ARHGAP28: variants seen among roughly 807,000 people sequenced by gnomAD.
ARHGAP28 encodes the protein Rho GTPase activating protein 28.
ARHGAP28 carries 56 observed loss-of-function variants against 90.7 expected under a neutral mutation model. That is an observed-to-expected ratio of 0.62 (90% CI 0.50 to 0.77). The LOEUF is 0.77. Among genes scored for constraint, ARHGAP28 ranks in the 30% least tolerant of loss-of-function variants. The pLI, the probability that ARHGAP28 is intolerant of heterozygous loss-of-function variation, is 0.00. For missense variants in ARHGAP28, 869 were observed against 900.9 expected, an observed-to-expected ratio of 0.96 and a Z score of 0.45; for synonymous variants, 308 against 323.3, an observed-to-expected ratio of 0.95 and a Z score of 0.51.
Position 6,781,342 on chromosome 18 carries a change from G to T in ARHGAP28, c.123-43420G>T, listed in dbSNP as rs867086615. On this transcript the variant is annotated intron_variant, in intron 1 of 17. Transcript: ENST00000383472. ...CTGATATGAGTTGAGCCTTCGTCCTGTTCCAGTTTCTGGAAGGAACTGTTC... is the reference window on the plus strand; with the variant it reads ...CTGATATGAGTTGAGCCTTCGTCCTTTTCCAGTTTCTGGAAGGAACTGTTC... Among the ~76,000 whole-genome samples, 6 of 152,282 alleles carry T rather than the reference G, an allele frequency of 3.9e-5. No individual in the cohort carries two copies. In the South Asian group the frequency reaches 6.2e-4, roughly 16 times the overall value.
intron 1 of ARHGAP28, among the ~76,000 whole-genome samples, chr18:6,735,376 G>A (rs886108730): frequency 6.6e-6 from 1 of 152,134 alleles, no homozygotes; most frequent in Non-Finnish European, 1.5e-5. Context: ...GAATTTTCCT[G>A]TTGTAGAATT....
chr18:6,790,204 G>T (rs987370616), intron 1 of ARHGAP28: 3 of 152,052 alleles, frequency 2.0e-5, no homozygotes, highest in African/African-American at 7.2e-5. Context: ...ACATTTTTGG[G>T]CATAAAGTTG....
chr18:6,894,219 C>T (rs1024194064), intron 14 of ARHGAP28, among the ~76,000 whole-genome samples: 2 of 152,070 alleles, frequency 1.3e-5, no homozygotes, highest in African/African-American at 4.8e-5. Context: ...AGTTCATTAA[C>T]AAGTTATAAA....
chr18:6,867,702 G>A (rs867500990), intron 5 of ARHGAP28, among the ~76,000 whole-genome samples: 164 of 152,194 alleles, frequency 1.1e-3, no homozygotes, highest in African/African-American at 3.7e-3. Context: ...ATATGTTAAT[G>A]TTATATTAAC....
At chr18:6,840,456 A>G (rs1400514006) in intron 3 of ARHGAP28, among the ~76,000 whole-genome samples, 2 of 152,210 alleles carry the variant, frequency 1.3e-5, no homozygotes, top group Admixed American at 1.3e-4. Flanking sequence ...GGTAAAGGGT[A>G]TTTTTTGTGC....
At chr18:6,781,720 A>AC (rs1226109344) in intron 1 of ARHGAP28, among the ~76,000 whole-genome samples, 1 of 152,152 alleles carries the variant, frequency 6.6e-6, no homozygotes, top group Non-Finnish European at 1.5e-5. Context: ...TGGGGGTGGG[A>AC]CACCAAACAC....
At chr18:6,762,353 A>T (rs2056167281) in intron 1 of ARHGAP28, among the ~76,000 whole-genome samples, 1 of 152,196 alleles carries the variant, frequency 6.6e-6, no homozygotes, top group Admixed American at 6.5e-5. Flanking sequence ...ACCACCTTAT[A>T]AGGCTTTACA....
chr18:6,798,382 C>T (rs369400175), intron 1 of ARHGAP28, among the ~76,000 whole-genome samples: 2 of 151,996 alleles, frequency 1.3e-5, no homozygotes, highest in African/African-American at 4.8e-5. Context: ...TTAGTAGAGA[C>T]GGGGTTTTCC....
intron 2 of ARHGAP28, among the ~76,000 whole-genome samples, chr18:6,830,219 A>G (rs2056704289): frequency 6.6e-6 from 1 of 152,174 alleles, no homozygotes; most frequent in Non-Finnish European, 1.5e-5. Context: ...ATTATAAAAT[A>G]TGCCATAGAT....
At chr18:6,874,050 G>A (rs965643334) in intron 9 of ARHGAP28, among the ~76,000 whole-genome samples, 7 of 152,144 alleles carry the variant, frequency 4.6e-5, no homozygotes, top group East Asian at 1.9e-4. Context: ...CCCAGGGCAC[G>A]AACAGTTGCA....
intron 1 of ARHGAP28, among the ~76,000 whole-genome samples, chr18:6,802,335 CTTTTTTTTTTTTTTTT>C (rs35950139): frequency 3.8e-5 from 2 of 52,754 alleles, no homozygotes; most frequent in Admixed American, 2.5e-4. Context: ...TATGGTAGTT[CTTTTTTTTTTTTTTTT>C]TTTTTTTTTT....
intron 13 of ARHGAP28, 58 bp from the exon 14 acceptor site, chr18:6,890,372 G>A (rs765608588): frequency 8.8e-7 from 1 of 1,141,074 alleles, no homozygotes; most frequent in Non-Finnish European, 1.3e-6. Context: ...AAGACAATCT[G>A]CTAGGGAGTT....
rs546706604 is a variant in ARHGAP28, at chr18:6,736,590, A to AT, written c.122+6648dup. On this transcript the variant is annotated intron_variant, in intron 1 of 17. Transcript: ENST00000383472. The stretch of plus-strand genomic sequence containing the variant: ...CCCCATTTCTACTTAAAAAAAAAAA[A>AT]TACAAAATTAGTCGAGCGTGATGGT... Among the ~76,000 whole-genome samples the AT allele has an allele frequency of 1.2e-4, 18 of 147,594 alleles. 1 individual carries two copies. The South Asian group carries it at 3.9e-3, about 32-fold the overall frequency.
At chr18:6,909,301 T>TTTTCTTTTCTTTTCTTTTC (rs56989288) in intron 17 of ARHGAP28, among the ~76,000 whole-genome samples, 1,056 of 31,544 alleles carry the variant, frequency 0.033, 58 homozygotes, top group African/African-American at 0.059. Flanking sequence ...TTTTCTTTTC[T>TTTTCTTTTCTTTTCTTTTC]TTTTTTTTTG....
chr18:6,881,124 C>T (rs2057174664), intron 10 of ARHGAP28, among the ~76,000 whole-genome samples: 2 of 152,164 alleles, frequency 1.3e-5, no homozygotes, highest in South Asian at 2.1e-4. Flanking sequence ...TGCCAGGGAC[C>T]TCCAGTTTTC....
intron 16 of ARHGAP28, among the ~76,000 whole-genome samples, chr18:6,908,742 C>T (rs2057378144): frequency 6.6e-6 from 1 of 152,164 alleles, no homozygotes; most frequent in African/African-American, 2.4e-5. Flanking sequence ...GGCTGCCCAT[C>T]CTGGTGGGAG....
At chr18:6,776,812 C>T (rs2056287496) in intron 1 of ARHGAP28, among the ~76,000 whole-genome samples, 1 of 152,184 alleles carries the variant, frequency 6.6e-6, no homozygotes, top group South Asian at 2.1e-4. Context: ...AGCCCTCTTT[C>T]TTAACCGCTA....
rs11874197 is a variant in ARHGAP28, at chr18:6,882,313, G to C, written c.1453+14G>C. On this transcript the variant is annotated intron_variant, in intron 11 of 17. Coordinates refer to ENST00000383472, the MANE Select transcript of ARHGAP28 (RefSeq NM_001366230.1). ...GTCTAATGGAAAGTAGGTGGAAGAC[G>C]TTATATGTGAATACGCTAAGATATA... 1 of 1,605,378 alleles carries C rather than the reference G, an allele frequency of 6.2e-7. No individual in the cohort carries two copies.
rs1035152439 is a variant in ARHGAP28 at position 6,913,294 on chromosome 18, C to T, written c.*1140C>T. On this transcript the variant is annotated 3_prime_UTR_variant, in exon 18 of 18. Coordinates refer to ENST00000383472, the MANE Select transcript of ARHGAP28 (RefSeq NM_001366230.1). ...GATTGCCCAGAACACATAGTCCCCA[C>T]GTTTCTAATTTGGAGCAAATCTAAA... 6 of 152,150 alleles carry T rather than the reference C, an allele frequency of 3.9e-5. No homozygotes were observed. The highest frequency in any genetic ancestry group is 7.3e-5 in the Non-Finnish European group (5 of 68,034). The allele number at this position is 152,150 out of a possible 1,614,324, so 9.4% of individuals were successfully genotyped here.
Sources: gnomAD v4.1 joint callset for allele counts (sites outside exome capture counted in the v4.1 genomes callset) on GRCh38, gnomAD v4.1.1 for gene constraint, MANE v1.5 for transcripts, NCBI Gene and HGNC (gene_info 2026-07-23, HGNC 2026-07-21) for gene names.